Variants in PALLD observed in about 807,000 individuals in gnomAD.
PALLD encodes palladin, cytoskeletal associated protein, also known as palladin.
Under a neutral mutation model 123.5 loss-of-function variants are expected in PALLD, and 61 were observed. The observed-to-expected ratio is 0.49, with a 90% CI of 0.40 to 0.61. PALLD has a LOEUF of 0.61. Among genes scored for constraint, PALLD ranks in the 20% least tolerant of loss-of-function variants. The pLI, the probability that PALLD is intolerant of heterozygous loss-of-function variation, is 0.00. For synonymous variants in PALLD, 465 were observed against 496.4 expected (o/e 0.94, Z 0.84); for missense variants, 1,273 against 1,377.0 (o/e 0.92, Z 1.20).
At chr4:168,805,488 A>G (rs1207976360) in intron 10 of PALLD, among the ~76,000 whole-genome samples, 1 of 152,172 alleles carries the variant, frequency 6.6e-6, no homozygotes, top group Admixed American at 6.5e-5. Context: ...GTCCAATCCG[A>G]TGCTTAAACT....
chr4:168,691,332 GA>G, intron 8 of PALLD, 40 bp downstream of exon 8: 6 of 1,547,154 alleles, frequency 3.9e-6, no homozygotes, highest in Non-Finnish European at 5.3e-6. Context: ...GGTGGTGGGG[GA>G]GCAGATAATG....
chr4:168,509,475 C>T (rs1016545278), intron 1 of PALLD, among the ~76,000 whole-genome samples: 1 of 152,144 alleles, frequency 6.6e-6, no homozygotes, highest in Admixed American at 6.6e-5. Context: ...GAAGAAAATA[C>T]ATTCAAGTAT....
chr4:168,589,105 G>A (rs1050243260), intron 2 of PALLD, among the ~76,000 whole-genome samples: 54 of 152,338 alleles, frequency 3.5e-4, no homozygotes, highest in African/African-American at 1.3e-3. Flanking sequence ...GTCAGAGCTG[G>A]CTCCCTTAGC....
rs1783085531 is a variant in PALLD at position 168,695,899 on chromosome 4, G to C, written c.1501+4607G>C. On this transcript the variant is annotated intron_variant, in intron 8 of 21. Transcript: ENST00000505667. ...CATTTAAAAAGTATTGAGAAACTTA[G>C]AGTCCCATGAACCAAGAAAGTTTGT... is the stretch of plus-strand genomic sequence containing the variant. 2.0e-5 allele frequency among the ~76,000 whole-genome samples: 3 copies of C among 152,148 alleles called. No homozygotes were observed. In the South Asian group the frequency reaches 6.2e-4, roughly 32 times the overall value.
At chr4:168,668,425 CAGTA>C in intron 3 of PALLD, 57 bp downstream of exon 3, 1 of 1,414,210 alleles carries the variant, frequency 7.1e-7, no homozygotes, top group Non-Finnish European at 9.6e-7. Context: ...CTAATGACTC[CAGTA>C]TCTTGGGCAT....
chr4:168,794,634 C>T (rs1738227209), intron 10 of PALLD, among the ~76,000 whole-genome samples: 1 of 152,076 alleles, frequency 6.6e-6, no homozygotes, highest in Admixed American at 6.5e-5. Flanking sequence ...ACATAACCTA[C>T]ACGTCCGTCT....
chr4:168,842,359 T>C (rs1029708502), intron 10 of PALLD, among the ~76,000 whole-genome samples: 4 of 152,238 alleles, frequency 2.6e-5, no homozygotes, highest in African/African-American at 7.2e-5. Flanking sequence ...TGACTGAACA[T>C]ATGGATCATC....
chr4:168,632,588 G>A (rs2149833661), intron 2 of PALLD, among the ~76,000 whole-genome samples: 1 of 152,246 alleles, frequency 6.6e-6, no homozygotes, highest in South Asian at 2.1e-4. Context: ...TCTCCCTTTG[G>A]ACGGGGTCCC....
At chr4:168,688,871 G>A (rs1276746912) in intron 6 of PALLD, among the ~76,000 whole-genome samples, 1 of 152,102 alleles carries the variant, frequency 6.6e-6, no homozygotes, top group African/African-American at 2.4e-5. Context: ...GCCATTTGTA[G>A]TCTATCCTGA....
At chr4:168,890,766 T>C (rs1032159492) in intron 10 of PALLD, among the ~76,000 whole-genome samples, 156 bp from the exon 11 acceptor site, 1 of 152,200 alleles carries the variant, frequency 6.6e-6, no homozygotes, top group East Asian at 1.9e-4. Context: ...GAACCAGCTT[T>C]CATGGTTCTT....
intron 17 of PALLD, among the ~76,000 whole-genome samples, chr4:168,921,165 GGAGGCT>G (rs1761408514): frequency 6.6e-6 from 1 of 151,948 alleles, no homozygotes; most frequent in South Asian, 2.1e-4. Context: ...CAGCACTTTG[GGAGGCT>G]GAGGCAGGCG....
intron 2 of PALLD, among the ~76,000 whole-genome samples, chr4:168,595,741 A>G (rs1771912888): frequency 6.6e-6 from 1 of 152,140 alleles, no homozygotes; most frequent in South Asian, 2.1e-4. Flanking sequence ...AAACCTAAAA[A>G]TAAAAATCTG....
Position 168,921,683 on chromosome 4 carries a change from A to G in PALLD, c.3000A>G (p.Thr1000=), listed in dbSNP as rs114770901. 6.2e-7 allele frequency: 1 copy of G among 1,611,604 alleles called. No homozygotes were observed. Among genetic ancestry groups the G allele is most frequent in the African/African-American group, 1.3e-5 (1 of 74,616 alleles). The change falls in exon 18 of 22, where the codon ACA becomes ACG. Residue 1000 remains threonine (T), a synonymous_variant. Transcript: ENST00000505667. ...CGTCACGTGATGCCGGCATCTACAC[A>G]TGTATAGCTACCAACCGAGCAGGAC... ...PVTSRDAGIY[T]CIATNRAGQN... is the part of the protein sequence containing the mutation.
intron 2 of PALLD, among the ~76,000 whole-genome samples, chr4:168,650,499 C>G (rs1466236703): frequency 2.0e-5 from 3 of 152,172 alleles, no homozygotes; most frequent in Non-Finnish European, 4.4e-5. Flanking sequence ...ACATTTAGGC[C>G]AAGTTTTCCT....
intron 2 of PALLD, among the ~76,000 whole-genome samples, chr4:168,542,923 GC>G (rs1765782054): frequency 6.6e-6 from 1 of 151,334 alleles, no homozygotes; most frequent in African/African-American, 2.4e-5. Flanking sequence ...GTCTCCACCA[GC>G]CCACTGGATT....
At chr4:168,686,283 G>A (rs958691038) in intron 6 of PALLD, among the ~76,000 whole-genome samples, 16 of 151,926 alleles carry the variant, frequency 1.1e-4, no homozygotes, top group Admixed American at 1.3e-4. Flanking sequence ...AGGTATACAC[G>A]TGCCATGGTG....
chr4:168,619,036 G>C (rs1404123168), intron 2 of PALLD, among the ~76,000 whole-genome samples: 1 of 152,212 alleles, frequency 6.6e-6, no homozygotes, highest in African/African-American at 2.4e-5. Flanking sequence ...CCATGACGAG[G>C]CCTGCTGGCT....
intron 10 of PALLD, among the ~76,000 whole-genome samples, chr4:168,785,058 C>CTTTTTTTTTTTTTTTTTTTTTTTTTTTTT (rs746597278): frequency 2.4e-5 from 2 of 84,830 alleles, no homozygotes; most frequent in Non-Finnish European, 4.1e-5. Flanking sequence ...CTCCCTTTTG[C>CTTTTTTTTTTTTTTTTTTTTTTTTTTTTT]TTTTTTTTTT....
chr4:168,805,189 T>A (rs1739999167), intron 10 of PALLD, among the ~76,000 whole-genome samples: 1 of 151,948 alleles, frequency 6.6e-6, no homozygotes, highest in Non-Finnish European at 1.5e-5. Context: ...GTGAGACCAT[T>A]ACTCAAAAAT....
Sources: gnomAD v4.1 joint callset for allele counts (sites outside exome capture counted in the v4.1 genomes callset) on GRCh38, gnomAD v4.1.1 for gene constraint, MANE v1.5 for transcripts, NCBI Gene and HGNC (gene_info 2026-07-23, HGNC 2026-07-21) for gene names.